ARHGAP27: variants seen among roughly 807,000 people sequenced by gnomAD.
ARHGAP27 encodes the protein Rho GTPase activating protein 27.
In ARHGAP27, 53 loss-of-function variants were observed where a neutral mutation model predicts 102.0. The observed-to-expected ratio is 0.52, with a 90% CI of 0.42 to 0.65. The LOEUF (loss-of-function observed/expected upper bound fraction) is 0.65, where lower values mean the gene tolerates loss of function less well. ARHGAP27 is among the 30% of genes least tolerant of loss of function. ARHGAP27 has a pLI of 0.00. For synonymous variants in ARHGAP27, 525 were observed against 542.8 expected (o/e 0.97, Z 0.46); for missense variants, 1,117 against 1,256.2 (o/e 0.89, Z 1.68).
At chr17:45,424,923 G>A (rs1027325191) in intron 4 of ARHGAP27, among the ~76,000 whole-genome samples, 4 of 152,178 alleles carry the variant, frequency 2.6e-5, no homozygotes, top group Non-Finnish European at 4.4e-5. Flanking sequence ...GCCCCTGGGC[G>A]CTGAAGGGAG....
In ARHGAP27 at chr17:45,394,951, CCA is replaced by C. The variant is rs2045414842; in HGVS notation, c.*503_*504del. 6.4e-6 allele frequency: 1 copy of C among 155,056 alleles called. No homozygotes were observed. Among genetic ancestry groups the C allele is most frequent in the Admixed American group, 6.5e-5 (1 of 15,490 alleles). 9.6% of individuals were successfully genotyped at this position (155,056 alleles called of 1,614,324 possible). On this transcript the variant is annotated 3_prime_UTR_variant, in exon 20 of 20. Coordinates refer to ENST00000685559, the MANE Select transcript of ARHGAP27 (RefSeq NM_001282290.2). Reference sequence around the variant, plus strand: ...GCCTGAGGAGGATAGCTTCAGCAGCCCACACTGAAGGCTGGGTCAGTCCTGTT... The same window carrying C: ...GCCTGAGGAGGATAGCTTCAGCAGCCCACTGAAGGCTGGGTCAGTCCTGTT...
intron 4 of ARHGAP27, among the ~76,000 whole-genome samples, chr17:45,423,964 C>T (rs1288602336): frequency 6.6e-6 from 1 of 152,216 alleles, no homozygotes; most frequent in Admixed American, 6.5e-5. Context: ...TAGTAATTTA[C>T]ACATTTAACT....
At position 45,396,528 on chromosome 17, in the gene ARHGAP27, G is replaced by C. The variant is rs544328670; in HGVS notation, c.2132C>G (p.Pro711Arg). The C allele has an allele frequency of 6.3e-7, 1 of 1,583,780 alleles. No homozygotes were observed. Among genetic ancestry groups the C allele is most frequent in the Admixed American group, 1.7e-5 (1 of 57,402 alleles). Residue 711 changes from proline to arginine, a missense_variant, in exon 16 of 20, where the codon CCA (proline) becomes CGA (arginine). By Grantham distance (103) the Pro-to-Arg change is moderately radical. This residue lies in a region of ARHGAP27 where 493 missense variants were observed against 505.5 expected (regional missense o/e 0.98). Transcript: ENST00000685559. ...GCGGATGCACTGCTGCACGAAGCGT[G>C]GCACCCGGCTCCTCTCGCGCTCACA... ...ALCERERSRV[P>R]RFVQQCIRAV...
In ARHGAP27 at chr17:45,430,163, C is replaced by T; in HGVS notation, c.117G>A (p.Arg39=). The T allele has an allele frequency of 6.5e-7, 1 of 1,536,962 alleles. No individual in the cohort carries two copies. The highest frequency in any genetic ancestry group is 8.7e-7 in the Non-Finnish European group (1 of 1,148,118). ...CGTGCCACCAGTGCTCGGTGCTGCG[C>T]CGCAGCAGCCGGTAGCGCTCATTCG... The part of the protein sequence containing the change: ...IRPNERYRLL[R]RSTEHWWHVR... The change falls in exon 4 of 20, where the codon CGG becomes CGA. Residue 39 remains arginine (R), a synonymous_variant. Coordinates refer to ENST00000685559, the MANE Select transcript of ARHGAP27 (RefSeq NM_001282290.2). This position sits in a 1 kb window ranked among gnomAD's most constrained non-coding sequence, Gnocchi z 4.4.
At chr17:45,404,764 A>C in intron 6 of ARHGAP27, 83 bp from the exon 7 acceptor site, 1 of 1,512,316 alleles carries the variant, frequency 6.6e-7, no homozygotes, top group Non-Finnish European at 9.0e-7. Flanking sequence ...GTTCCAAGAC[A>C]GCACCAGGGA....
chr17:45,404,899 G>T, intron 6 of ARHGAP27, 25 bp downstream of exon 6: 9 of 1,614,090 alleles, frequency 5.6e-6, no homozygotes, highest in Non-Finnish European at 7.6e-6. Flanking sequence ...GAGGCTGTCC[G>T]GGTCCATCTG....
chr17:45,422,644 C>T (rs1001793266), intron 4 of ARHGAP27, among the ~76,000 whole-genome samples: 4 of 152,028 alleles, frequency 2.6e-5, no homozygotes, highest in Admixed American at 2.0e-4. Context: ...AAAGAACGCT[C>T]GAAATCTGCA....
intron 18 of ARHGAP27, 57 bp downstream of exon 18, chr17:45,395,926 A>G (rs1265596193): frequency 6.4e-7 from 1 of 1,567,304 alleles, no homozygotes; most frequent in East Asian, 2.3e-5. Context: ...GGAGCCTGCT[A>G]AAGGGGTGCC....
At chr17:45,404,171 C>A (rs895029383) in intron 9 of ARHGAP27, 75 bp from the exon 10 acceptor site, 75 of 1,607,260 alleles carry the variant, frequency 4.7e-5, no homozygotes, top group Non-Finnish European at 6.0e-5. Context: ...AGGCTGGTCA[C>A]CTGCTCAGCT....
chr17:45,402,601 C>A (rs374964987), intron 12 of ARHGAP27, 113 bp downstream of exon 12: 6 of 947,882 alleles, frequency 6.3e-6, no homozygotes, highest in Middle Eastern at 2.1e-4. Flanking sequence ...AGTGTTGGCT[C>A]ATAGGGAATT....
At chr17:45,425,306 T>C (rs914562347) in intron 4 of ARHGAP27, among the ~76,000 whole-genome samples, 3 of 152,082 alleles carry the variant, frequency 2.0e-5, no homozygotes, top group African/African-American at 7.2e-5. Flanking sequence ...CTCAGCTTCC[T>C]GCTGTTACCA....
chr17:45,416,255 C>T (rs1428581321), intron 4 of ARHGAP27, among the ~76,000 whole-genome samples: 2 of 151,626 alleles, frequency 1.3e-5, no homozygotes, highest in Non-Finnish European at 1.5e-5. Context: ...GGGGTTTCAC[C>T]GTGTTAGCCA....
chr17:45,404,834 G>A, intron 6 of ARHGAP27, 90 bp downstream of exon 6: 1 of 1,579,140 alleles, frequency 6.3e-7, no homozygotes, highest in South Asian at 1.1e-5. Flanking sequence ...TGTGGGAGCT[G>A]CGGTTTAGAG....
intron 4 of ARHGAP27, among the ~76,000 whole-genome samples, chr17:45,419,023 A>C (rs1452738382): frequency 6.6e-6 from 1 of 152,168 alleles, no homozygotes; most frequent in Non-Finnish European, 1.5e-5. Context: ...GCTCGACCCC[A>C]GCTCTGGGGA....
At chr17:45,404,783 G>A in intron 6 of ARHGAP27, 102 bp from the exon 7 acceptor site, 2 of 1,498,248 alleles carry the variant, frequency 1.3e-6, no homozygotes, top group Non-Finnish European at 1.8e-6. Context: ...GAGTCTGGAG[G>A]GGCAGGTGCA....
At chr17:45,423,347 A>G (rs2049231557) in intron 4 of ARHGAP27, among the ~76,000 whole-genome samples, 1 of 152,158 alleles carries the variant, frequency 6.6e-6, no homozygotes, top group African/African-American at 2.4e-5. Context: ...AAAATGGCCA[A>G]AATTAACTAG....
At chr17:45,414,246 A>G (rs1164691147) in intron 4 of ARHGAP27, among the ~76,000 whole-genome samples, 3 of 151,942 alleles carry the variant, frequency 2.0e-5, no homozygotes, top group Non-Finnish European at 4.4e-5. Flanking sequence ...CTGTGTTTGC[A>G]CCCACCATTC....
At chr17:45,402,028 T>G (rs1228358510) in intron 12 of ARHGAP27, among the ~76,000 whole-genome samples, 1 of 152,168 alleles carries the variant, frequency 6.6e-6, no homozygotes, top group African/African-American at 2.4e-5. Flanking sequence ...AGACAACACA[T>G]GGACAGTGAA....
intron 16 of ARHGAP27, 59 bp downstream of exon 16, chr17:45,396,428 T>C (rs1597754260): frequency 6.8e-7 from 1 of 1,476,358 alleles, no homozygotes; most frequent in East Asian, 2.5e-5. Context: ...CCTGCGGTCC[T>C]GGCAGGAGGC....
Sources: allele counts gnomAD v4.1 joint callset (sites outside exome capture counted in the v4.1 genomes callset), GRCh38; gene constraint gnomAD v4.1.1; regional missense constraint gnomAD v4.1.1; non-coding constraint Gnocchi (gnomAD v3.1); transcripts MANE v1.5; gene names NCBI Gene and HGNC (gene_info 2026-07-23, HGNC 2026-07-21).